The following PRICKLE1 variants were observed in gnomAD, a reference collection of about 807,000 sequenced individuals.
The protein encoded by PRICKLE1 is prickle planar cell polarity protein 1, also known as prickle-like protein 1.
Under a neutral mutation model 70.2 loss-of-function variants are expected in PRICKLE1, and 14 were observed. The ratio of observed to expected loss-of-function variants is 0.20; its 90% CI spans 0.13 to 0.31. PRICKLE1 has a LOEUF of 0.31. Among genes scored for constraint, PRICKLE1 ranks in the 10% least tolerant of loss-of-function variants. The pLI is 1.00. For missense variants in PRICKLE1, 821 were observed against 1,026.2 expected, an observed-to-expected ratio of 0.80 and a Z score of 2.73; for synonymous variants, 357 against 379.9, an observed-to-expected ratio of 0.94 and a Z score of 0.70.
At chr12:42,519,193 C>CTTTTTTTTTTTTTTTTTTTTTT (rs11342397) in intron 1 of PRICKLE1, among the ~76,000 whole-genome samples, 4 of 99,190 alleles carry the variant, frequency 4.0e-5, no homozygotes, top group African/African-American at 3.8e-5. Flanking sequence ...CCTTTTTTTC[C>CTTTTTTTTTTTTTTTTTTTTTT]TTTTTTTTTT....
chr12:42,575,519 AC>A (rs1054021345), intron 1 of PRICKLE1, among the ~76,000 whole-genome samples: 15 of 151,810 alleles, frequency 9.9e-5, no homozygotes, highest in Non-Finnish European at 1.8e-4. Context: ...ACATGGTAAA[AC>A]CCATCTCTAC....
At chr12:42,548,912 G>A (rs1940258074) in intron 1 of PRICKLE1, among the ~76,000 whole-genome samples, 1 of 152,136 alleles carries the variant, frequency 6.6e-6, no homozygotes, top group Non-Finnish European at 1.5e-5. Flanking sequence ...GTTGAGGCCA[G>A]GAGTTTGAGA....
chr12:42,554,804 A>T (rs1449061689), intron 1 of PRICKLE1, among the ~76,000 whole-genome samples: 1 of 152,060 alleles, frequency 6.6e-6, no homozygotes, highest in Admixed American at 6.6e-5. Context: ...CGTTCTCTTC[A>T]CCAACTCTTT....
chr12:42,545,219 G>T (rs1940187400), intron 1 of PRICKLE1, among the ~76,000 whole-genome samples: 1 of 152,110 alleles, frequency 6.6e-6, no homozygotes, highest in Non-Finnish European at 1.5e-5. Context: ...GCCCAGGGTA[G>T]TCTAGAACTC....
chr12:42,481,052 A>C (rs948674006), intron 1 of PRICKLE1, among the ~76,000 whole-genome samples: 8 of 152,224 alleles, frequency 5.3e-5, no homozygotes, highest in African/African-American at 1.7e-4. Flanking sequence ...ACTAATAGGA[A>C]AGGAAGAAAT....
chr12:42,464,617 A>G lies in PRICKLE1; in HGVS notation c.1417T>C (p.Trp473Arg), dbSNP rs538066196. 1 of 1,613,998 alleles carries G rather than the reference A, an allele frequency of 6.2e-7. No individual in the cohort carries two copies. Among genetic ancestry groups the G allele is most frequent in the Non-Finnish European group, 8.5e-7 (1 of 1,179,992 alleles). The change falls in exon 7 of 8, where the codon TGG becomes CGG. Residue 473 changes from tryptophan to arginine, a missense_variant. Physicochemically the swap from Trp to Arg is moderately radical, Grantham distance 101 (BLOSUM62 -3). Coordinates refer to ENST00000345127, the MANE Select transcript of PRICKLE1 (RefSeq NM_153026.3). The surrounding 1 kb of genome is among the most constrained non-coding windows in gnomAD (Gnocchi z 4.2). Reference protein sequence around the residue: ...ASKKYQSDMYWAQSQDGLGDS... With the variant: ...ASKKYQSDMYRAQSQDGLGDS... ...CCCAGTCCATCTTGTGACTGTGCCC[A>G]GTACATATCAGACTGGTATTTTTTA...
At chr12:42,481,243 G>C (rs1436493026) in intron 1 of PRICKLE1, among the ~76,000 whole-genome samples, 1 of 152,060 alleles carries the variant, frequency 6.6e-6, no homozygotes, top group Admixed American at 6.6e-5. Context: ...TAATTTTCTT[G>C]AACCAAGTCA....
chr12:42,522,359 A>ACTC (rs1390117151), intron 1 of PRICKLE1, among the ~76,000 whole-genome samples: 1 of 151,934 alleles, frequency 6.6e-6, no homozygotes, highest in Non-Finnish European at 1.5e-5. Context: ...CACTCAGTCT[A>ACTC]CTCAGTAGCT....
chr12:42,542,742 G>T (rs1370409503), intron 1 of PRICKLE1, among the ~76,000 whole-genome samples: 2 of 152,166 alleles, frequency 1.3e-5, no homozygotes, highest in Admixed American at 1.3e-4. Context: ...ATCCAATAAG[G>T]TTGTATTTTG....
chr12:42,549,022 G>C (rs1940259967), intron 1 of PRICKLE1, among the ~76,000 whole-genome samples: 1 of 151,226 alleles, frequency 6.6e-6, no homozygotes, highest in African/African-American at 2.4e-5. Context: ...GGGAGGTTGA[G>C]GCAGGAGAAT....
At chr12:42,553,161 G>C (rs1236671754) in intron 1 of PRICKLE1, among the ~76,000 whole-genome samples, 1 of 150,618 alleles carries the variant, frequency 6.6e-6, no homozygotes, top group Non-Finnish European at 1.5e-5. Context: ...TTTTTTTCTC[G>C]GCCGGGCTTG....
At chr12:42,477,442 G>C (rs10880304) in intron 1 of PRICKLE1, among the ~76,000 whole-genome samples, 1 of 101,530 alleles carries the variant, frequency 9.8e-6, no homozygotes, top group Non-Finnish European at 2.0e-5. Flanking sequence ...GTATATATGT[G>C]TATATATGTA....
Position 42,459,382 on chromosome 12 carries a change from A to G in PRICKLE1, c.*427T>C, listed in dbSNP as rs1566074382. ...TGTTAGCTAGGTCATCGTGACAGGC[A>G]TGCCTCACACCAAGACGGACTATCA... On this transcript the variant is annotated 3_prime_UTR_variant, in exon 8 of 8. Transcript: ENST00000345127. 4.3e-6 allele frequency: 3 copies of G among 702,562 alleles called. No individual in the cohort carries two copies. The highest frequency in any genetic ancestry group is 7.8e-6 in the Non-Finnish European group (3 of 385,000). 43.5% of individuals were successfully genotyped at this position (702,562 alleles called of 1,614,324 possible). A position where few individuals can be genotyped will look rare whatever the true frequency, so the allele number is the denominator to read the frequency against.
At position 42,587,737 on chromosome 12, in the gene PRICKLE1, G is replaced by A. The variant is rs933441897; in HGVS notation, c.-49+1728C>T. On this transcript the variant is annotated intron_variant, in intron 1 of 7. Transcript: ENST00000345127. Reference sequence around the variant, plus strand: ...CACCAAGGCTAGGACCACATTGGAGGCAAACTGAACCAGGCTCCACCAGAC... The same window carrying A: ...CACCAAGGCTAGGACCACATTGGAGACAAACTGAACCAGGCTCCACCAGAC... Among the ~76,000 whole-genome samples the A allele has an allele frequency of 2.0e-5, 3 of 152,222 alleles. No homozygotes were observed. In the East Asian group the frequency reaches 5.8e-4, roughly 29 times the overall value.
chr12:42,545,952 TA>T (rs34302433), intron 1 of PRICKLE1, among the ~76,000 whole-genome samples: 200 of 150,712 alleles, frequency 1.3e-3, no homozygotes, highest in African/African-American at 4.7e-3. Flanking sequence ...AATGACTTAG[TA>T]AAAAAAAATC....
At chr12:42,570,349 A>G (rs1191715884) in intron 1 of PRICKLE1, among the ~76,000 whole-genome samples, 11 of 152,226 alleles carry the variant, frequency 7.2e-5, no homozygotes. Flanking sequence ...TCAACTGATC[A>G]AGGCATTTGT....
chr12:42,494,064 T>C lies in PRICKLE1; in HGVS notation c.-48-21500A>G, dbSNP rs557661659. 9.1e-4 allele frequency among the ~76,000 whole-genome samples: 138 copies of C among 152,240 alleles called. 1 individual carries two copies. Among genetic ancestry groups the C allele is most frequent in the African/African-American group, 3.3e-3 (135 of 41,508 alleles). On this transcript the variant is annotated intron_variant, in intron 1 of 7. Transcript: ENST00000345127. ...GTCTACTGAGTGTGCAACAGCACAA[T>C]GTCTAAAAAAACAATGTACATACCT...
intron 1 of PRICKLE1, among the ~76,000 whole-genome samples, chr12:42,497,546 C>CAAAA (rs35111508): frequency 1.0e-5 from 1 of 98,730 alleles, no homozygotes; most frequent in Non-Finnish European, 1.9e-5. Context: ...GACTCCATCT[C>CAAAA]AAAAAAAAAA....
intron 1 of PRICKLE1, among the ~76,000 whole-genome samples, chr12:42,506,228 A>T (rs896762798): frequency 4.0e-5 from 6 of 148,924 alleles, no homozygotes; most frequent in African/African-American, 1.5e-4. Context: ...CATTAATTAT[A>T]TAAGTAAAAA....
Sources: allele counts gnomAD v4.1 joint callset (sites outside exome capture counted in the v4.1 genomes callset), GRCh38; gene constraint gnomAD v4.1.1; non-coding constraint Gnocchi (gnomAD v3.1); transcripts MANE v1.5; gene names NCBI Gene and HGNC (gene_info 2026-07-23, HGNC 2026-07-21).